Variants in MTFR1 observed in about 807,000 individuals in gnomAD.
MTFR1 encodes chondrocyte protein with a poly-proline region.
A neutral mutation model predicts 38.8 loss-of-function variants in MTFR1; 28 were observed. The observed-to-expected ratio is 0.72, with a 90% CI of 0.53 to 0.99. The LOEUF (loss-of-function observed/expected upper bound fraction) is 0.99, where lower values mean the gene tolerates loss of function less well. Ranked by LOEUF, MTFR1 falls within the 50% of genes least tolerant of loss-of-function variation. MTFR1 has a pLI of 0.00. For synonymous variants in MTFR1, 145 were observed against 137.0 expected (o/e 1.06, Z -0.41); for missense variants, 358 against 395.5 (o/e 0.91, Z 0.81).
At chr8:65,736,134 C>T (rs191695087) in intron 3 of MTFR1, among the ~76,000 whole-genome samples, 51 of 152,146 alleles carry the variant, frequency 3.4e-4, no homozygotes, top group African/African-American at 1.2e-3. Flanking sequence ...TAAAATAGAA[C>T]GATTATAACA....
chr8:65,719,263 G>A, intron 2 of MTFR1: 2 of 1,525,332 alleles, frequency 1.3e-6, no homozygotes, highest in Non-Finnish European at 1.8e-6. Flanking sequence ...ACCTCCAGGA[G>A]GCAGTTTGTC....
At chr8:65,693,010 C>T (rs776806329) in intron 3 of MTFR1, among the ~76,000 whole-genome samples, 2 of 151,408 alleles carry the variant, frequency 1.3e-5, no homozygotes, top group Admixed American at 6.6e-5. Flanking sequence ...TCTTATACCC[C>T]CCGCCTACAC....
intron 1 of MTFR1, among the ~76,000 whole-genome samples, chr8:65,662,056 T>A (rs1343588506): frequency 1.5e-5 from 1 of 65,524 alleles, no homozygotes; most frequent in African/African-American, 5.6e-5. Flanking sequence ...TCTCTCTCCC[T>A]CTCTCTCTCC....
chr8:65,699,592 TC>T (rs559522462), intron 4 of MTFR1, among the ~76,000 whole-genome samples: 22 of 152,326 alleles, frequency 1.4e-4, no homozygotes, highest in African/African-American at 5.3e-4. Flanking sequence ...GTAGCTGCAA[TC>T]CACCTCCTTC....
At chr8:65,650,463 C>T (rs1206124712) in intron 1 of MTFR1, among the ~76,000 whole-genome samples, 4 of 152,046 alleles carry the variant, frequency 2.6e-5, no homozygotes, top group South Asian at 2.1e-4. Context: ...TGAGCCACCG[C>T]GCCTAGCCAA....
chr8:65,706,744 C>G (rs922841786), intron 5 of MTFR1, among the ~76,000 whole-genome samples: 1 of 152,066 alleles, frequency 6.6e-6, no homozygotes, highest in East Asian at 1.9e-4. Flanking sequence ...TGTAGTCAAA[C>G]TTGAACATTT....
chr8:65,709,432 T>G lies in MTFR1; in HGVS notation c.*388T>G, dbSNP rs1805881213. On this transcript the variant is annotated 3_prime_UTR_variant, in exon 8 of 8. Transcript: ENST00000262146. ...TGCATATTTTTGGACATAAACAGTT[T>G]ATGTAAAATTAGTAATGAATGATGG... is the stretch of plus-strand genomic sequence containing the variant. The G allele has an allele frequency of 6.2e-6, 1 of 160,108 alleles. No individual in the cohort carries two copies. The highest frequency in any genetic ancestry group is 2.4e-5 in the African/African-American group (1 of 41,734). The allele number at this position is 160,108 out of a possible 1,614,324, so 9.9% of individuals were successfully genotyped here.
rs575502854 is a variant in MTFR1 at position 65,668,833 on chromosome 8, T to C, written c.-80-1040T>C. On this transcript the variant is annotated intron_variant, in intron 1 of 7. Transcript: ENST00000262146. ...CCGGCCTTAAGCAAGTTTTTATTGA[T>C]GAGAGAGCAGTGTATTGATTCATGT... Among the ~76,000 whole-genome samples the C allele has an allele frequency of 8.5e-5, 13 of 152,234 alleles. No individual in the cohort carries two copies. In the South Asian group the frequency reaches 2.7e-3, roughly 32 times the overall value.
chr8:65,682,569 C>T (rs986486344), intron 3 of MTFR1, 118 bp downstream of exon 3: 1 of 592,610 alleles, frequency 1.7e-6, no homozygotes, highest in African/African-American at 2.0e-5. Flanking sequence ...ATGCCACTAT[C>T]AATACAATAG....
downstream of MTFR1, among the ~76,000 whole-genome samples, chr8:65,714,097 A>G (rs895522954): frequency 2.7e-5 from 4 of 150,766 alleles, no homozygotes; most frequent in African/African-American, 7.3e-5. Flanking sequence ...CCATACAGAA[A>G]CCCGCCATAT....
intron 3 of MTFR1, among the ~76,000 whole-genome samples, chr8:65,757,912 C>A (rs1239536792): frequency 6.6e-6 from 1 of 152,218 alleles, no homozygotes; most frequent in African/African-American, 2.4e-5. Flanking sequence ...CCACCACACC[C>A]AGCCAACTCC....
chr8:65,664,341 CTG>C (rs1342494023), intron 1 of MTFR1, among the ~76,000 whole-genome samples: 3 of 152,094 alleles, frequency 2.0e-5, no homozygotes, highest in Admixed American at 6.5e-5. Context: ...TGAAAAAGAA[CTG>C]TAATTTGTAA....
chr8:65,724,036 T>C (rs1048506339), intron 3 of MTFR1, among the ~76,000 whole-genome samples: 7 of 152,194 alleles, frequency 4.6e-5, no homozygotes, highest in Admixed American at 2.0e-4. Flanking sequence ...TCTATACTCA[T>C]AAATGCATAA....
Position 65,729,236 on chromosome 8 carries a change from A to C in MTFR1, c.*48+9755A>C, listed in dbSNP as rs185602636. ...AAAGCCATCATTAGGGTTCTTTTTC[A>C]ATAAAATAGAAAACTATTAAGTGGT... On this transcript the variant is annotated intron_variant, in intron 3 of 3. Coordinates refer to the MTFR1 transcript ENST00000521247. Among the ~76,000 whole-genome samples, 279 of 152,258 alleles carry C rather than the reference A, an allele frequency of 1.8e-3. 1 individual carries two copies. Among genetic ancestry groups the C allele is most frequent in the Non-Finnish European group, 8.2e-4 (56 of 68,018 alleles).
intron 3 of MTFR1, among the ~76,000 whole-genome samples, chr8:65,693,340 G>T (rs1214908643): frequency 1.3e-5 from 2 of 151,780 alleles, no homozygotes; most frequent in Admixed American, 6.6e-5. Flanking sequence ...GGCGGAGGTT[G>T]CAGTGAGCCA....
chr8:65,689,654 G>A (rs1242993100), intron 3 of MTFR1: 12 of 1,161,472 alleles, frequency 1.0e-5, no homozygotes, highest in African/African-American at 3.2e-5. Context: ...TGTCTAAATC[G>A]TATTTCCAAG....
At chr8:65,648,208 G>A (rs1231406443) in intron 1 of MTFR1, among the ~76,000 whole-genome samples, 5 of 152,002 alleles carry the variant, frequency 3.3e-5, no homozygotes, top group Admixed American at 1.3e-4. Flanking sequence ...TAGTAGAGAC[G>A]GGGTTTCACT....
chr8:65,758,992 G>A (rs772355491), intron 3 of MTFR1, among the ~76,000 whole-genome samples: 3 of 152,136 alleles, frequency 2.0e-5, no homozygotes, highest in Non-Finnish European at 4.4e-5. Flanking sequence ...CCGTCATTAT[G>A]TGTCTGAGAG....
At chr8:65,740,372 G>A (rs570099190) in intron 3 of MTFR1, among the ~76,000 whole-genome samples, 4 of 152,090 alleles carry the variant, frequency 2.6e-5, no homozygotes, top group Admixed American at 6.6e-5. Flanking sequence ...AGCCTCATAT[G>A]TCACAGAAAT....
Sources: allele counts gnomAD v4.1 joint callset (sites outside exome capture counted in the v4.1 genomes callset), GRCh38; gene constraint gnomAD v4.1.1; transcripts MANE v1.5; gene names NCBI Gene and HGNC (gene_info 2026-07-23, HGNC 2026-07-21).